DZIP3: variants seen among roughly 807,000 people sequenced by gnomAD.
The protein encoded by DZIP3 is DAZ interacting zinc finger protein 3.
A neutral mutation model predicts 162.0 loss-of-function variants in DZIP3; 118 were observed. That is an observed-to-expected ratio of 0.73 (90% CI 0.63 to 0.85). The LOEUF (loss-of-function observed/expected upper bound fraction) is 0.85, where lower values mean the gene tolerates loss of function less well. DZIP3 is among the 40% of genes least tolerant of loss of function. The pLI is 0.00. For synonymous variants in DZIP3, 438 were observed against 458.6 expected (o/e 0.96, Z 0.57); for missense variants, 1,331 against 1,407.0 (o/e 0.95, Z 0.86).
At chr3:108,607,332 A>G (rs1940438582) in intron 2 of DZIP3, among the ~76,000 whole-genome samples, 1 of 152,228 alleles carries the variant, frequency 6.6e-6, no homozygotes, top group Non-Finnish European at 1.5e-5. Flanking sequence ...AAGTCAAATA[A>G]GAGAATATTT....
chr3:108,598,028 ACT>A (rs1939798460), intron 1 of DZIP3, among the ~76,000 whole-genome samples: 6 of 152,140 alleles, frequency 3.9e-5, no homozygotes, highest in Admixed American at 3.9e-4. Context: ...GAATAGAAAA[ACT>A]CTTAGCAAAA....
intron 19 of DZIP3, among the ~76,000 whole-genome samples, chr3:108,660,792 G>GAAAA (rs1553711810): frequency 4.2e-4 from 1 of 2,362 alleles, no homozygotes; most frequent in Non-Finnish European, 1.4e-3. Context: ...AAATTTACAA[G>GAAAA]AAAAAAACAA....
intron 24 of DZIP3, 67 bp downstream of exon 24, chr3:108,674,248 A>C: frequency 1.5e-6 from 2 of 1,347,292 alleles, no homozygotes; most frequent in Non-Finnish European, 2.1e-6. Context: ...CCACGGTTGA[A>C]TATAATCTGT....
chr3:108,633,364 A>G (rs1169411194), intron 9 of DZIP3, among the ~76,000 whole-genome samples: 1 of 151,926 alleles, frequency 6.6e-6, no homozygotes, highest in East Asian at 1.9e-4. Context: ...TCAGTCATAC[A>G]GTGAAAATGA....
At chr3:108,624,623 CTT>C (rs1347430321) in intron 6 of DZIP3, 99 bp downstream of exon 6, 24 of 590,266 alleles carry the variant, frequency 4.1e-5, no homozygotes, top group African/African-American at 2.0e-4. Flanking sequence ...AAAAAGGAAA[CTT>C]AATATTAGCT....
chr3:108,612,316 A>G (rs559570700), intron 4 of DZIP3, among the ~76,000 whole-genome samples: 1 of 152,308 alleles, frequency 6.6e-6, no homozygotes, highest in African/African-American at 2.4e-5. Context: ...AAAAATTCCA[A>G]CAAACTGAAG....
chr3:108,688,987 A>G (rs919370657), intron 31 of DZIP3, 63 bp downstream of exon 31: 101 of 1,420,112 alleles, frequency 7.1e-5, no homozygotes, highest in Non-Finnish European at 9.6e-5. Context: ...ACTTATTATC[A>G]TATACATGTA....
At chr3:108,594,540 C>G (rs1267498262) in intron 1 of DZIP3, among the ~76,000 whole-genome samples, 1 of 151,480 alleles carries the variant, frequency 6.6e-6, no homozygotes, top group East Asian at 1.9e-4. Flanking sequence ...CTTCATCACC[C>G]AGGTTTTAAG....
chr3:108,636,650 G>T lies in DZIP3; in HGVS notation c.953G>T (p.Cys318Phe). The T allele has an allele frequency of 6.3e-7, 1 of 1,580,006 alleles. No homozygotes were observed. Among genetic ancestry groups the T allele is most frequent in the Admixed American group, 1.9e-5 (1 of 52,660 alleles). ...FSGKKCLKEG[C>F]TGDMVRMLQC... Reference sequence around the variant, plus strand: ...GGGAAAAAATGTTTGAAGGAAGGATGTACAGGTGACATGGTAAGGATGCTG... The same window carrying T: ...GGGAAAAAATGTTTGAAGGAAGGATTTACAGGTGACATGGTAAGGATGCTG... Residue 318 changes from cysteine to phenylalanine, a missense_variant, in exon 11 of 33, where the codon TGT becomes TTT. Cys to Phe is a radical substitution (Grantham distance 205). Coordinates refer to ENST00000361582, the MANE Select transcript of DZIP3 (RefSeq NM_014648.4).
At chr3:108,658,654 A>G (rs1943262923) in intron 19 of DZIP3, among the ~76,000 whole-genome samples, 1 of 152,220 alleles carries the variant, frequency 6.6e-6, no homozygotes. Context: ...GCAGAACTGA[A>G]GGGGATAGAG....
At chr3:108,646,675 G>A (rs373155349) in intron 15 of DZIP3, 26 bp downstream of exon 15, 84 of 1,483,942 alleles carry the variant, frequency 5.7e-5, no homozygotes, top group Non-Finnish European at 7.4e-5. Flanking sequence ...AATAAAATGT[G>A]TAAATGACTT....
intron 3 of DZIP3, among the ~76,000 whole-genome samples, chr3:108,610,106 A>G (rs562499569): frequency 1.3e-5 from 2 of 152,324 alleles, no homozygotes; most frequent in African/African-American, 4.8e-5. Context: ...TAGTACAATG[A>G]ACATCCTTCA....
At position 108,608,236 on chromosome 3, in the gene DZIP3, G is replaced by C; in HGVS notation, c.102+78G>C. 3 of 1,192,142 alleles carry C rather than the reference G, an allele frequency of 2.5e-6. No individual in the cohort carries two copies. In the East Asian group the frequency reaches 7.2e-5, roughly 29 times the overall value. 73.8% of individuals were successfully genotyped at this position (1,192,142 alleles called of 1,614,324 possible). On this transcript the variant is annotated intron_variant, in intron 3 of 32. Coordinates refer to ENST00000361582, the MANE Select transcript of DZIP3 (RefSeq NM_014648.4). ...ATATGCAAATGCAGTAATACATCTA[G>C]TCAGTTTAATTACGTGTTAAAATTT...
At chr3:108,626,166 A>G (rs1251813063) in intron 7 of DZIP3, among the ~76,000 whole-genome samples, 197 bp downstream of exon 7, 2 of 152,262 alleles carry the variant, frequency 1.3e-5, no homozygotes, top group Non-Finnish European at 2.9e-5. Flanking sequence ...GGCCATAGCA[A>G]TAAGAAGCAG....
At position 108,644,685 on chromosome 3, in the gene DZIP3, A is replaced by G; in HGVS notation, c.1663A>G (p.Ile555Val). The G allele has an allele frequency of 6.2e-7, 1 of 1,613,728 alleles. No homozygotes were observed. The highest frequency in any genetic ancestry group is 8.5e-7 in the Non-Finnish European group (1 of 1,179,882). ...EDIDKVKENP[I>V]ENISLDYHQL... ...TATTGACAAAGTGAAGGAGAATCCC[A>G]TTGAGAATATCTCCCTTGATTACCA... Residue 555 changes from isoleucine to valine, a missense_variant, in exon 14 of 33, where the codon ATT becomes GTT. Transcript: ENST00000361582.
intron 5 of DZIP3, among the ~76,000 whole-genome samples, chr3:108,617,106 G>T (rs537676529): frequency 6.6e-6 from 1 of 152,280 alleles, no homozygotes; most frequent in Non-Finnish European, 1.5e-5. Context: ...TAGGGGTAAG[G>T]GGTCAGGAGT....
In DZIP3 at chr3:108,678,885, C is replaced by T. The variant is rs150183248; in HGVS notation, c.2883+1287C>T. On this transcript the variant is annotated intron_variant, in intron 26 of 32. Transcript: ENST00000361582. ...AAATTATATAATTTGTATGGAGTTACACTGTTTCAAAAGCAGGATCTATAG... is the reference window on the plus strand; with the variant it reads ...AAATTATATAATTTGTATGGAGTTATACTGTTTCAAAAGCAGGATCTATAG... Among the ~76,000 whole-genome samples the T allele has an allele frequency of 6.7e-3, 1,023 of 152,144 alleles. 12 individuals carry two copies. The highest frequency in any genetic ancestry group is 0.024 in the African/African-American group (976 of 41,514).
rs1023404286 is a variant in DZIP3, at chr3:108,631,605, T to C, written c.697-1348T>C. Among the ~76,000 whole-genome samples the C allele has an allele frequency of 3.3e-3, 392 of 118,608 alleles. 2 individuals are homozygous for C. Among genetic ancestry groups the C allele is most frequent in the African/African-American group, 0.012 (368 of 30,648 alleles). The allele number at this position is 118,608 out of a possible 152,430, so 77.8% of individuals were successfully genotyped here. On this transcript the variant is annotated intron_variant, in intron 8 of 32. Transcript: ENST00000361582. ...TCCCTTTTTTTTTTTTTTTTTTTTT[T>C]AGTAAAGACAGTCTCAGTATGTTGC...
chr3:108,607,436 T>C (rs940941206), intron 2 of DZIP3, among the ~76,000 whole-genome samples: 3 of 152,170 alleles, frequency 2.0e-5, no homozygotes, highest in Non-Finnish European at 4.4e-5. Flanking sequence ...ATAAATCACC[T>C]ATGACCCTAT....
Sources: allele counts gnomAD v4.1 joint callset (sites outside exome capture counted in the v4.1 genomes callset), GRCh38; gene constraint gnomAD v4.1.1; transcripts MANE v1.5; gene names NCBI Gene and HGNC (gene_info 2026-07-23, HGNC 2026-07-21).